Variants in CNTN5 observed in about 807,000 individuals in gnomAD.
CNTN5 encodes contactin 5, also known as contactin-5.
A neutral mutation model predicts 129.1 loss-of-function variants in CNTN5; 77 were observed. The observed-to-expected ratio is 0.60, with a 90% CI of 0.50 to 0.72. The LOEUF is 0.72. CNTN5 is among the 30% of genes least tolerant of loss of function. The pLI is 0.00. For missense variants in CNTN5, 1,478 were observed against 1,328.8 expected (o/e 1.11, Z -1.75); for synonymous variants, 509 against 465.6 (o/e 1.09, Z -1.20).
intron 7 of CNTN5, among the ~76,000 whole-genome samples, chr11:99,954,537 T>C (rs1950752101): frequency 6.6e-6 from 1 of 152,220 alleles, no homozygotes; most frequent in Non-Finnish European, 1.5e-5. Context: ...CTAAAGGCTG[T>C]GGCACCACAG....
intron 1 of CNTN5, among the ~76,000 whole-genome samples, chr11:99,195,474 G>A (rs866636822): frequency 4.2e-4 from 64 of 151,992 alleles, no homozygotes; most frequent in African/African-American, 1.4e-3. Flanking sequence ...ACATTAAAGC[G>A]CTCCTTTATA....
chr11:99,943,935 A>G (rs1950499649), intron 7 of CNTN5, among the ~76,000 whole-genome samples: 1 of 152,096 alleles, frequency 6.6e-6, no homozygotes, highest in South Asian at 2.1e-4. Context: ...TGGTTACTGT[A>G]GCCTTGTAGC....
chr11:99,284,738 A>G (rs538165683), intron 1 of CNTN5, among the ~76,000 whole-genome samples: 2 of 151,858 alleles, frequency 1.3e-5, no homozygotes, highest in South Asian at 4.2e-4. Context: ...GTCTTCCCTA[A>G]AAGACTGAGC....
intron 13 of CNTN5, among the ~76,000 whole-genome samples, chr11:100,160,821 G>A (rs1947421931): frequency 1.3e-5 from 2 of 151,826 alleles, no homozygotes; most frequent in South Asian, 2.1e-4. Flanking sequence ...ATGTGGTGGA[G>A]AACACTATCT....
intron 2 of CNTN5, among the ~76,000 whole-genome samples, chr11:99,549,035 G>A (rs1014721266): frequency 6.6e-6 from 1 of 150,514 alleles, no homozygotes; most frequent in Non-Finnish European, 1.5e-5. Flanking sequence ...TTGCCTTTCT[G>A]GGCTACTTTT....
At chr11:99,124,590 A>G (rs72988213) in intron 1 of CNTN5, among the ~76,000 whole-genome samples, 2,406 of 152,230 alleles carry the variant, frequency 0.016, 38 homozygotes, top group Middle Eastern at 0.037. Context: ...CTCTAAAGCT[A>G]GCAGAAGACA....
intron 3 of CNTN5, among the ~76,000 whole-genome samples, chr11:99,620,726 C>A (rs1381818602): frequency 5.9e-5 from 9 of 151,778 alleles, no homozygotes; most frequent in African/African-American, 2.2e-4. Context: ...CCCCGGCCAT[C>A]AGCAGCACAC....
At chr11:100,354,458 G>A (rs762330431) in intron 24 of CNTN5, among the ~76,000 whole-genome samples, 20 of 151,788 alleles carry the variant, frequency 1.3e-4, no homozygotes, top group Non-Finnish European at 2.5e-4. Flanking sequence ...GTATAAGAAA[G>A]AGTGACGAAA....
intron 1 of CNTN5, among the ~76,000 whole-genome samples, chr11:99,259,839 A>G (rs1490042305): frequency 6.6e-6 from 1 of 151,886 alleles, no homozygotes; most frequent in Non-Finnish European, 1.5e-5. Context: ...CATGTGGTAT[A>G]AAAACAATAT....
chr11:99,797,629 G>GT (rs1945986670), intron 3 of CNTN5, among the ~76,000 whole-genome samples: 2 of 152,078 alleles, frequency 1.3e-5, no homozygotes, highest in African/African-American at 4.8e-5. Context: ...GGGCTTATTT[G>GT]TTTTTTGCTT....
At chr11:99,705,801 T>A (rs1372080092) in intron 3 of CNTN5, among the ~76,000 whole-genome samples, 3 of 151,300 alleles carry the variant, frequency 2.0e-5, no homozygotes, top group African/African-American at 7.3e-5. Flanking sequence ...ACAGAGACTG[T>A]GGAGCTGGTA....
At chr11:99,679,095 C>T (rs1415685736) in intron 3 of CNTN5, among the ~76,000 whole-genome samples, 1 of 143,356 alleles carries the variant, frequency 7.0e-6, no homozygotes, top group Admixed American at 7.1e-5. Context: ...TACATATACA[C>T]ACATATATAG....
chr11:99,861,973 C>T (rs1948220703), intron 6 of CNTN5, among the ~76,000 whole-genome samples: 2 of 152,042 alleles, frequency 1.3e-5, no homozygotes, highest in South Asian at 4.1e-4. Flanking sequence ...AACTGTAATT[C>T]AAACTTTATT....
At chr11:99,452,095 C>G (rs2135195782) in intron 2 of CNTN5, among the ~76,000 whole-genome samples, 1 of 152,024 alleles carries the variant, frequency 6.6e-6, no homozygotes, top group East Asian at 1.9e-4. Context: ...TTAGAGATTA[C>G]ATAATTCAAA....
At chr11:99,269,009 C>A (rs148385749) in intron 1 of CNTN5, among the ~76,000 whole-genome samples, 44 of 152,020 alleles carry the variant, frequency 2.9e-4, no homozygotes, top group Non-Finnish European at 5.3e-4. Flanking sequence ...TGGATCACAG[C>A]AATTACAGGC....
intron 9 of CNTN5, among the ~76,000 whole-genome samples, chr11:100,049,989 G>A (rs1231706064): frequency 6.6e-6 from 1 of 152,166 alleles, no homozygotes; most frequent in African/African-American, 2.4e-5. Flanking sequence ...GTGCTGGAGA[G>A]GATGTGGAGA....
At chr11:99,943,643 C>T (rs904868257) in intron 7 of CNTN5, among the ~76,000 whole-genome samples, 2 of 147,132 alleles carry the variant, frequency 1.4e-5, no homozygotes, top group African/African-American at 4.9e-5. Flanking sequence ...CCTAGGTTTT[C>T]TTCTAGGGTT....
At chr11:100,278,142 G>A (rs926093249) in intron 18 of CNTN5, among the ~76,000 whole-genome samples, 1 of 151,980 alleles carries the variant, frequency 6.6e-6, no homozygotes, top group African/African-American at 2.4e-5. Context: ...TTATGTTGGA[G>A]GTCCTCTATT....
intron 2 of CNTN5, among the ~76,000 whole-genome samples, chr11:99,523,425 T>A (rs1947343703): frequency 6.6e-6 from 1 of 151,844 alleles, no homozygotes. Flanking sequence ...CGAAACCCCA[T>A]CTCTACAAAA....
Sources: gnomAD v4.1 joint callset for allele counts (sites outside exome capture counted in the v4.1 genomes callset) on GRCh38, gnomAD v4.1.1 for gene constraint, MANE v1.5 for transcripts, NCBI Gene and HGNC (gene_info 2026-07-23, HGNC 2026-07-21) for gene names.